The following IFT74 variants were observed in gnomAD, a reference collection of about 807,000 sequenced individuals.
IFT74 encodes the protein intraflagellar transport 74.
Under a neutral mutation model 96.7 loss-of-function variants are expected in IFT74, and 92 were observed. The observed-to-expected ratio is 0.95, with a 90% confidence interval of 0.80 to 1.13. The LOEUF (loss-of-function observed/expected upper bound fraction) is 1.13. Ranked by LOEUF, IFT74 falls within the 50% of genes most tolerant of loss-of-function variation. The pLI, the probability that IFT74 is intolerant of heterozygous loss-of-function variation, is 0.00. For missense variants in IFT74, 811 were observed against 698.2 expected (o/e 1.16, Z -1.82); for synonymous variants, 223 against 213.2 (o/e 1.05, Z -0.40).
At chr9:27,027,187 C>T (rs1404257001) in intron 12 of IFT74, among the ~76,000 whole-genome samples, 1 of 152,008 alleles carries the variant, frequency 6.6e-6, no homozygotes, top group Non-Finnish European at 1.5e-5. Flanking sequence ...ACAGTGAGCA[C>T]CTTTACACGC....
chr9:27,033,920 A>G (rs1191967266), intron 13 of IFT74, among the ~76,000 whole-genome samples: 1 of 152,156 alleles, frequency 6.6e-6, no homozygotes, highest in East Asian at 1.9e-4. Context: ...TAAGTTTTTT[A>G]GTTTTTGTCA....
At chr9:27,026,765 T>G (rs1467302501) in intron 12 of IFT74, among the ~76,000 whole-genome samples, 1 of 152,168 alleles carries the variant, frequency 6.6e-6, no homozygotes, top group East Asian at 1.9e-4. Context: ...TTAAAAATTC[T>G]TTGAACTGAA....
intron 1 of IFT74, among the ~76,000 whole-genome samples, chr9:26,960,279 T>A (rs1826298532): frequency 6.6e-6 from 1 of 152,182 alleles, no homozygotes; most frequent in African/African-American, 2.4e-5. Flanking sequence ...GTATTGATGT[T>A]CCTCAGGACA....
intron 16 of IFT74, among the ~76,000 whole-genome samples, chr9:27,051,677 A>G (rs902164902): frequency 6.6e-6 from 1 of 152,180 alleles, no homozygotes; most frequent in African/African-American, 2.4e-5. Flanking sequence ...GTCATACAGT[A>G]TTTGTCCTTT....
chr9:27,026,918 G>C (rs1212837674), intron 12 of IFT74, among the ~76,000 whole-genome samples: 1 of 146,970 alleles, frequency 6.8e-6, no homozygotes, highest in Non-Finnish European at 1.5e-5. Context: ...CAAGGAACTA[G>C]AGCAACAAGC....
chr9:27,026,892 A>G (rs1478807886), intron 12 of IFT74, among the ~76,000 whole-genome samples: 2 of 152,154 alleles, frequency 1.3e-5, no homozygotes, highest in East Asian at 3.8e-4. Context: ...CAAATAGACA[A>G]TCTAACGTTA....
chr9:26,980,055 C>A (rs1333769464), intron 3 of IFT74, among the ~76,000 whole-genome samples: 3 of 152,206 alleles, frequency 2.0e-5, no homozygotes, highest in South Asian at 2.1e-4. Context: ...AAGACCATTT[C>A]TTAAAAAGTC....
Position 27,018,834 on chromosome 9 carries a change from AT to A in IFT74, c.974+154del, listed in dbSNP as rs550077964. 1.1e-3 allele frequency: 461 copies of A among 425,970 alleles called. 1 individual carries two copies. The highest frequency in any genetic ancestry group is 1.3e-3 in the Non-Finnish European group (292 of 232,988). The allele number at this position is 425,970 out of a possible 1,614,324, so 26.4% of individuals were successfully genotyped here. A position where few individuals can be genotyped will look rare whatever the true frequency, so the allele number is the denominator to read the frequency against. ...TGTTTAAGAGCCATTGCATAGTATA[AT>A]TTTTTTATAAGTATCTTTATTAAGA... On this transcript the variant is annotated intron_variant, in intron 12 of 19. Transcript: ENST00000380062.
chr9:26,948,857 T>TA (rs1474899328), intron 1 of IFT74, among the ~76,000 whole-genome samples: 1 of 152,196 alleles, frequency 6.6e-6, no homozygotes, highest in African/African-American at 2.4e-5. Flanking sequence ...TTATCTCTCT[T>TA]ACTCTAGACA....
intron 13 of IFT74, among the ~76,000 whole-genome samples, chr9:27,035,052 G>A (rs568458211): frequency 2.0e-4 from 30 of 152,260 alleles, no homozygotes; most frequent in African/African-American, 7.0e-4. Flanking sequence ...TCTAATGTTG[G>A]CTGGAAGCCT....
chr9:26,997,241 C>A (rs977142726), intron 8 of IFT74, among the ~76,000 whole-genome samples: 6 of 151,758 alleles, frequency 4.0e-5, no homozygotes, highest in African/African-American at 1.5e-4. Context: ...TTAATTTTTC[C>A]CCCTGGTAAT....
At chr9:27,032,585 T>C (rs1830176208) in intron 13 of IFT74, among the ~76,000 whole-genome samples, 1 of 152,068 alleles carries the variant, frequency 6.6e-6, no homozygotes, top group Non-Finnish European at 1.5e-5. Context: ...AAAAGTGTCC[T>C]GGCCGGGTGC....
At chr9:27,035,420 A>T (rs558428483) in intron 13 of IFT74, among the ~76,000 whole-genome samples, 1 of 152,356 alleles carries the variant, frequency 6.6e-6, no homozygotes, top group Admixed American at 6.5e-5. Flanking sequence ...TTTAAACTAT[A>T]CATTGAATCT....
At chr9:26,974,036 A>C (rs944854845) in intron 2 of IFT74, among the ~76,000 whole-genome samples, 1 of 151,752 alleles carries the variant, frequency 6.6e-6, no homozygotes, top group South Asian at 2.1e-4. Flanking sequence ...CAATTCTGGG[A>C]TTCTTTGACT....
intron 6 of IFT74, among the ~76,000 whole-genome samples, chr9:26,988,113 C>G (rs573059093): frequency 6.6e-6 from 1 of 152,054 alleles, no homozygotes; most frequent in South Asian, 2.1e-4. Flanking sequence ...CCACCACACC[C>G]GGCTAATTTT....
chr9:26,978,375 C>A, intron 3 of IFT74, 112 bp downstream of exon 3: 3 of 1,042,032 alleles, frequency 2.9e-6, no homozygotes, highest in Middle Eastern at 2.5e-4. Context: ...ATAAGTATTA[C>A]AGTACCATTT....
intron 2 of IFT74, among the ~76,000 whole-genome samples, chr9:26,964,969 G>C (rs1826543538): frequency 6.6e-6 from 1 of 152,090 alleles, no homozygotes; most frequent in African/African-American, 2.4e-5. Flanking sequence ...TAAGCAGAAG[G>C]ATATCCTGTA....
At chr9:27,053,029 A>G (rs1348146410) in intron 16 of IFT74, among the ~76,000 whole-genome samples, 1 of 151,978 alleles carries the variant, frequency 6.6e-6, no homozygotes, top group Admixed American at 6.5e-5. Context: ...TCGCCCGGCT[A>G]ATTTTTTGTA....
chr9:26,986,277 G>A (rs1204919501), intron 6 of IFT74, among the ~76,000 whole-genome samples: 1 of 149,306 alleles, frequency 6.7e-6, no homozygotes, highest in African/African-American at 2.5e-5. Context: ...TGTTTTTGTT[G>A]TTGTTACTGG....
Sources: gnomAD v4.1 joint callset for allele counts (sites outside exome capture counted in the v4.1 genomes callset) on GRCh38, gnomAD v4.1.1 for gene constraint, MANE v1.5 for transcripts, NCBI Gene and HGNC (gene_info 2026-07-23, HGNC 2026-07-21) for gene names.